Variants in RPTOR observed in about 807,000 individuals in gnomAD.
The protein encoded by RPTOR is regulatory associated protein of MTOR complex 1.
A neutral mutation model predicts 169.9 loss-of-function variants in RPTOR; 21 were observed. The observed-to-expected ratio is 0.12, with a 90% CI of 0.09 to 0.18. RPTOR has a LOEUF of 0.18. Ranked by LOEUF, RPTOR falls within the 10% of genes least tolerant of loss-of-function variation. The pLI is 1.00. For missense variants in RPTOR, 1,133 were observed against 1,855.9 expected (o/e 0.61, Z 7.16); for synonymous variants, 732 against 753.2 (o/e 0.97, Z 0.46).
intron 7 of RPTOR, among the ~76,000 whole-genome samples, chr17:80,813,808 A>C (rs2067296601): frequency 6.6e-6 from 1 of 152,188 alleles, no homozygotes; most frequent in Non-Finnish European, 1.5e-5. Context: ...TCTTTAACTG[A>C]ATTTAATCTG....
At position 80,666,045 on chromosome 17, in the gene RPTOR, G is replaced by A. The variant is rs561510982; in HGVS notation, c.348+22235G>A. Among the ~76,000 whole-genome samples, 4 of 152,182 alleles carry A rather than the reference G, an allele frequency of 2.6e-5. No individual in the cohort carries two copies. In the East Asian group the frequency reaches 7.7e-4, roughly 29 times the overall value. ...TGACTGGGACTTGTGGGCTGAGCAG[G>A]GAGGACAAACGTTTTATTTTTAGTG... On this transcript the variant is annotated intron_variant, in intron 3 of 33. Transcript: ENST00000306801.
intron 11 of RPTOR, among the ~76,000 whole-genome samples, chr17:80,853,249 C>T (rs2067813666): frequency 6.6e-6 from 1 of 152,182 alleles, no homozygotes; most frequent in Non-Finnish European, 1.5e-5. Context: ...TGACCTCAGT[C>T]ATACTGGTAG....
intron 3 of RPTOR, among the ~76,000 whole-genome samples, chr17:80,700,540 GA>G (rs1567864368): frequency 2.0e-5 from 2 of 99,766 alleles, no homozygotes; most frequent in Non-Finnish European, 4.5e-5. Context: ...TGGTGGTGAT[GA>G]TGATGGTGGT....
At chr17:80,560,952 C>G (rs115610344) in intron 1 of RPTOR, among the ~76,000 whole-genome samples, 1 of 151,876 alleles carries the variant, frequency 6.6e-6, no homozygotes, top group African/African-American at 2.4e-5. Context: ...ATCTGTGAGC[C>G]GGGGGGCTGG....
intron 1 of RPTOR, among the ~76,000 whole-genome samples, chr17:80,564,163 C>T (rs928641452): frequency 8.8e-4 from 133 of 151,882 alleles, no homozygotes; most frequent in African/African-American, 2.8e-3. Flanking sequence ...CCCGAGTTCA[C>T]GTCATTCTCC....
At position 80,908,939 on chromosome 17, in the gene RPTOR, G is replaced by A. The variant is rs182428240; in HGVS notation, c.2520+10G>A. 4.5e-5 allele frequency: 71 copies of A among 1,594,432 alleles called. No homozygotes were observed. Among genetic ancestry groups the A allele is most frequent in the Admixed American group, 4.2e-4 (25 of 59,810 alleles). ...CAGCATCGCCTACAAGGTACGTGCC[G>A]GGCGCTCCCCACCGCGCTCCAGCTG... On this transcript the variant is annotated intron_variant, in intron 21 of 33. Coordinates refer to ENST00000306801, the MANE Select transcript of RPTOR (RefSeq NM_020761.3).
intron 1 of RPTOR, among the ~76,000 whole-genome samples, chr17:80,573,756 C>T (rs187187155): frequency 1.1e-4 from 16 of 152,198 alleles, no homozygotes; most frequent in African/African-American, 2.6e-4. Flanking sequence ...AGGAGCCAGC[C>T]GTGGTTTCAT....
chr17:80,593,914 G>A (rs1480889370), intron 1 of RPTOR: 2 of 152,266 alleles, frequency 1.3e-5, no homozygotes, highest in African/African-American at 4.8e-5. Flanking sequence ...ATTGGGAAGG[G>A]GCGTCTTTGG....
At chr17:80,893,563 G>T in intron 19 of RPTOR, 144 bp from the exon 20 acceptor site, 1 of 1,003,332 alleles carries the variant, frequency 1.0e-6, no homozygotes, top group Non-Finnish European at 1.4e-6. Flanking sequence ...TGCGCACCAG[G>T]GTGTGTGTGT....
At chr17:80,943,079 T>C (rs111702272) in intron 25 of RPTOR, among the ~76,000 whole-genome samples, 2 of 152,334 alleles carry the variant, frequency 1.3e-5, no homozygotes, top group African/African-American at 4.8e-5. Context: ...GGGACTGACA[T>C]TGTTGGAAAC....
rs2068001841 is a variant in RPTOR, at chr17:80,867,143, T to TA, written c.1509+9243_1509+9244insA. Among the ~76,000 whole-genome samples the TA allele has an allele frequency of 2.6e-5, 4 of 152,162 alleles. No homozygotes were observed. In the South Asian group the frequency reaches 8.3e-4, roughly 32 times the overall value. On this transcript the variant is annotated intron_variant, in intron 13 of 33. Transcript: ENST00000306801. Reference sequence around the variant, plus strand: ...TTTTTGCAAATTAAATTCAATGCTATTTAAAAACAAAACATGATCTAGTGG... The same window carrying TA: ...TTTTTGCAAATTAAATTCAATGCTATATTAAAAACAAAACATGATCTAGTGG...
chr17:80,815,564 G>T lies in RPTOR; in HGVS notation c.891-6637G>T, dbSNP rs182936021. Among the ~76,000 whole-genome samples the T allele has an allele frequency of 3.9e-5, 6 of 152,376 alleles. No individual in the cohort carries two copies. The East Asian group carries it at 9.6e-4, about 24-fold the overall frequency. ...TAAGTGGGGAAGTGACATGGCCCAG[G>T]CCTGTGGACTGTGGAGATCACACCA... On this transcript the variant is annotated intron_variant, in intron 7 of 33. Transcript: ENST00000306801.
At chr17:80,689,558 G>A (rs1467038274) in intron 3 of RPTOR, among the ~76,000 whole-genome samples, 3 of 152,246 alleles carry the variant, frequency 2.0e-5, no homozygotes, top group African/African-American at 7.2e-5. Context: ...CAGATAGTTA[G>A]CGAGGAAGCG....
intron 5 of RPTOR, among the ~76,000 whole-genome samples, chr17:80,739,139 C>T (rs1049277070): frequency 7.0e-4 from 26 of 37,048 alleles, no homozygotes; most frequent in African/African-American, 3.0e-3. Context: ...GTCGCGGGAA[C>T]ACCTCTGCCG....
intron 1 of RPTOR, among the ~76,000 whole-genome samples, chr17:80,616,298 C>CTTTTTTTTTT (rs201229448): frequency 2.6e-4 from 30 of 113,294 alleles, no homozygotes; most frequent in Non-Finnish European, 3.4e-4. Flanking sequence ...AATTGAAAAT[C>CTTTTTTTTTT]TTTTTTTTTT....
At chr17:80,657,164 T>C (rs2065686484) in intron 3 of RPTOR, among the ~76,000 whole-genome samples, 1 of 152,214 alleles carries the variant, frequency 6.6e-6, no homozygotes, top group African/African-American at 2.4e-5. Context: ...AAAGAACAGA[T>C]TGACTAGGGA....
intron 2 of RPTOR, among the ~76,000 whole-genome samples, chr17:80,626,699 C>A (rs1320804787): frequency 1.3e-5 from 2 of 148,662 alleles, no homozygotes; most frequent in Non-Finnish European, 3.0e-5. Flanking sequence ...TGAACCTATG[C>A]AGTTCAAGTC....
chr17:80,732,420 C>T (rs2066400620), intron 5 of RPTOR, among the ~76,000 whole-genome samples: 1 of 152,172 alleles, frequency 6.6e-6, no homozygotes, highest in Non-Finnish European at 1.5e-5. Context: ...TGTGTGTGCT[C>T]TCTGTGTGTT....
At chr17:80,711,468 A>T (rs961533202) in intron 4 of RPTOR, among the ~76,000 whole-genome samples, 4 of 152,184 alleles carry the variant, frequency 2.6e-5, no homozygotes, top group Non-Finnish European at 5.9e-5. Context: ...AAATTGCTCA[A>T]GAAATGGAAC....
Sources: allele counts gnomAD v4.1 joint callset (sites outside exome capture counted in the v4.1 genomes callset), GRCh38; gene constraint gnomAD v4.1.1; transcripts MANE v1.5; gene names NCBI Gene and HGNC (gene_info 2026-07-23, HGNC 2026-07-21).